Variants in ZNRF2 observed in about 807,000 individuals in gnomAD.
ZNRF2 encodes the protein E3 ubiquitin-protein ligase ZNRF2.
In ZNRF2, 16 loss-of-function variants were observed where a neutral mutation model predicts 20.4. That is an observed-to-expected ratio of 0.79 (90% CI 0.53 to 1.19). The LOEUF (loss-of-function observed/expected upper bound fraction) is 1.19, where lower values mean the gene tolerates loss of function less well. Among genes scored for constraint, ZNRF2 ranks in the 50% most tolerant of loss-of-function variants. ZNRF2 has a pLI of 0.00. For missense variants in ZNRF2, 363 were observed against 332.4 expected (o/e 1.09, Z -0.72); for synonymous variants, 178 against 144.9 (o/e 1.23, Z -1.64).
chr7:30,316,577 G>T (rs1263298405), intron 1 of ZNRF2, among the ~76,000 whole-genome samples: 1 of 152,104 alleles, frequency 6.6e-6, no homozygotes, highest in Non-Finnish European at 1.5e-5. Context: ...AATGTATTCT[G>T]CTATATTGTG....
intron 2 of ZNRF2, among the ~76,000 whole-genome samples, chr7:30,333,456 G>C (rs555110475): frequency 1.3e-5 from 2 of 150,030 alleles, no homozygotes; most frequent in Admixed American, 1.3e-4. Context: ...TGCAACCTCC[G>C]CATCCCAGGT....
chr7:30,358,414 T>A (rs1416707972), intron 3 of ZNRF2, among the ~76,000 whole-genome samples: 1 of 152,200 alleles, frequency 6.6e-6, no homozygotes, highest in African/African-American at 2.4e-5. Flanking sequence ...ATATAGGTAA[T>A]CTGAAATTAA....
chr7:30,301,235 C>G (rs2128057722), intron 1 of ZNRF2, among the ~76,000 whole-genome samples: 1 of 152,244 alleles, frequency 6.6e-6, no homozygotes, highest in South Asian at 2.1e-4. Context: ...GTAATCCTAC[C>G]ACTTTGGGAG....
At chr7:30,322,269 G>C (rs1799482438) in intron 1 of ZNRF2, among the ~76,000 whole-genome samples, 1 of 152,252 alleles carries the variant, frequency 6.6e-6, no homozygotes, top group Non-Finnish European at 1.5e-5. Flanking sequence ...ATACCTGGAG[G>C]ATTAGCTGTG....
At chr7:30,323,810 ATAATT>A in intron 2 of ZNRF2, 73 bp downstream of exon 2, 4 of 1,053,566 alleles carry the variant, frequency 3.8e-6, no homozygotes, top group Non-Finnish European at 4.0e-6. Context: ...TGTTTCAAGT[ATAATT>A]TAAAAGGAGG....
intron 2 of ZNRF2, among the ~76,000 whole-genome samples, chr7:30,328,388 A>G (rs889273278): frequency 1.1e-4 from 16 of 152,210 alleles, no homozygotes; most frequent in Non-Finnish European, 2.9e-5. Context: ...TCAAACAAGA[A>G]CATTTTTTTC....
chr7:30,362,500 A>T lies in ZNRF2; in HGVS notation c.*22+44A>T, dbSNP rs1800142184. 3 of 1,206,868 alleles carry T rather than the reference A, an allele frequency of 2.5e-6. No individual in the cohort carries two copies. The African/African-American group carries it at 4.6e-5, about 18-fold the overall frequency. The allele number at this position is 1,206,868 out of a possible 1,614,324, so 74.8% of individuals were successfully genotyped here. ...ACTTTTTAAAGCGTTAGCCCAAATT[A>T]TACATTCTAAACTATAATTTTTATT... On this transcript the variant is annotated intron_variant, in intron 4 of 4. Coordinates refer to ENST00000323037, the MANE Select transcript of ZNRF2 (RefSeq NM_147128.4).
chr7:30,316,083 G>A (rs1388742369), intron 1 of ZNRF2, among the ~76,000 whole-genome samples: 1 of 151,922 alleles, frequency 6.6e-6, no homozygotes, highest in African/African-American at 2.4e-5. Context: ...GAGGTTGGGA[G>A]TTGGAGACCA....
At chr7:30,348,619 C>CT (rs1799915823) in intron 2 of ZNRF2, among the ~76,000 whole-genome samples, 1 of 152,168 alleles carries the variant, frequency 6.6e-6, no homozygotes, top group Non-Finnish European at 1.5e-5. Flanking sequence ...TCTGGCCACC[C>CT]TGGGCCTTTA....
chr7:30,310,875 C>CTGTCCTGTCT (rs1799281664), intron 1 of ZNRF2, among the ~76,000 whole-genome samples: 1 of 151,976 alleles, frequency 6.6e-6, no homozygotes, highest in South Asian at 2.1e-4. Context: ...CTGTCCTGTC[C>CTGTCCTGTCT]TGTCCTGTCT....
rs1799869891 is a variant in ZNRF2 at position 30,345,952 on chromosome 7, CTT to C, written c.566-9774_566-9773del. Among the ~76,000 whole-genome samples, 3 of 152,020 alleles carry C rather than the reference CTT, an allele frequency of 2.0e-5. No homozygotes were observed. The South Asian group carries it at 6.2e-4, about 32-fold the overall frequency. On this transcript the variant is annotated intron_variant, in intron 2 of 4. Transcript: ENST00000323037. Reference sequence around the variant, plus strand: ...CTTGCTCTCTGCTGTTGTTTACACTCTTTATTTTTCTGTTACTGAGATCTTCA... The same window carrying C: ...CTTGCTCTCTGCTGTTGTTTACACTCTATTTTTCTGTTACTGAGATCTTCA...
At position 30,285,343 on chromosome 7, in the gene ZNRF2, C is replaced by T; in HGVS notation, c.-15C>T. On this transcript the variant is annotated 5_prime_UTR_variant, in exon 1 of 5. Coordinates refer to ENST00000323037, the MANE Select transcript of ZNRF2 (RefSeq NM_147128.4). ...CGGGGCGCAGCGCGCGGGCCCGGCC[C>T]GGGGCAGGGCGGACATGGGCGCCAA... 1.4e-5 allele frequency: 16 copies of T among 1,123,254 alleles called. No individual in the cohort carries two copies. The highest frequency in any genetic ancestry group is 1.7e-5 in the Non-Finnish European group (16 of 919,984). The allele number at this position is 1,123,254 out of a possible 1,614,324, so 69.6% of individuals were successfully genotyped here.
chr7:30,343,714 A>G (rs1684972000), intron 2 of ZNRF2, among the ~76,000 whole-genome samples: 1 of 148,980 alleles, frequency 6.7e-6, no homozygotes. Flanking sequence ...TTTCCTGAAT[A>G]TTTTTTGTTT....
chr7:30,346,169 G>GTTTTTTT (rs1799874790), intron 2 of ZNRF2, among the ~76,000 whole-genome samples: 2 of 29,618 alleles, frequency 6.8e-5, no homozygotes, highest in African/African-American at 1.9e-4. Context: ...TGTTAAGTCT[G>GTTTTTTT]ATTTTTTTTT....
intron 2 of ZNRF2, among the ~76,000 whole-genome samples, chr7:30,353,859 CAT>C (rs2127955825): frequency 6.6e-6 from 1 of 152,132 alleles, no homozygotes; most frequent in South Asian, 2.1e-4. Context: ...CTTACACTCA[CAT>C]AATTCTTTGA....
intron 1 of ZNRF2, among the ~76,000 whole-genome samples, chr7:30,310,064 C>T (rs1308916675): frequency 1.3e-5 from 2 of 152,046 alleles, no homozygotes; most frequent in Non-Finnish European, 2.9e-5. Context: ...TGCCATAGTC[C>T]AGGAAAAAAT....
chr7:30,348,705 C>T (rs1799917742), intron 2 of ZNRF2, among the ~76,000 whole-genome samples: 1 of 152,186 alleles, frequency 6.6e-6, no homozygotes, highest in African/African-American at 2.4e-5. Context: ...TGCTTCCATT[C>T]TCTAAAAATC....
intron 2 of ZNRF2, among the ~76,000 whole-genome samples, chr7:30,343,777 A>G (rs188648382): frequency 4.0e-5 from 6 of 151,740 alleles, no homozygotes; most frequent in East Asian, 1.9e-4. Context: ...TTGCAATCCA[A>G]TCTAATCTTT....
At chr7:30,326,073 T>G (rs1285525156) in intron 2 of ZNRF2, among the ~76,000 whole-genome samples, 1 of 152,230 alleles carries the variant, frequency 6.6e-6, no homozygotes, top group African/African-American at 2.4e-5. Flanking sequence ...CTTAGTATTC[T>G]GTATGTTTAC....
Sources: gnomAD v4.1 joint callset for allele counts (sites outside exome capture counted in the v4.1 genomes callset) on GRCh38, gnomAD v4.1.1 for gene constraint, MANE v1.5 for transcripts, NCBI Gene and HGNC (gene_info 2026-07-23, HGNC 2026-07-21) for gene names.